Variants in FARS2 observed in about 807,000 individuals in gnomAD.
FARS2 encodes the protein phenylalanine--tRNA ligase, mitochondrial.
In FARS2, 40 loss-of-function variants were observed where a neutral mutation model predicts 46.4. The observed-to-expected ratio is 0.86, with a 90% CI of 0.67 to 1.12. FARS2 has a LOEUF of 1.12. Among genes scored for constraint, FARS2 ranks in the 50% most tolerant of loss-of-function variants. The pLI is 0.00. For missense variants in FARS2, 513 were observed against 567.9 expected, an observed-to-expected ratio of 0.90 and a Z score of 0.98; for synonymous variants, 234 against 214.9, an observed-to-expected ratio of 1.09 and a Z score of -0.78.
At chr6:5,356,742 G>A (rs1757956637) in intron 1 of FARS2, among the ~76,000 whole-genome samples, 1 of 152,008 alleles carries the variant, frequency 6.6e-6, no homozygotes, top group African/African-American at 2.4e-5. Context: ...GAAACCAACT[G>A]TATATTTCCC....
Position 5,408,543 on chromosome 6 carries a change from C to T in FARS2, c.772+3842C>T, listed in dbSNP as rs76827697. ...AATGAAGCTCCTGTTCATCCCCTTACTCTGAAGTCCTGAACAGGTCACGTA... is the reference window on the plus strand; with the variant it reads ...AATGAAGCTCCTGTTCATCCCCTTATTCTGAAGTCCTGAACAGGTCACGTA... On this transcript the variant is annotated intron_variant, in intron 3 of 6. Coordinates refer to ENST00000274680, the MANE Select transcript of FARS2 (RefSeq NM_006567.5). Among the ~76,000 whole-genome samples the T allele has an allele frequency of 1.8e-3, 270 of 152,292 alleles. 1 individual carries two copies. Among genetic ancestry groups the T allele is most frequent in the African/African-American group, 6.3e-3 (261 of 41,556 alleles).
intron 4 of FARS2, among the ~76,000 whole-genome samples, chr6:5,514,208 G>C (rs1352964956): frequency 6.6e-6 from 1 of 151,972 alleles, no homozygotes; most frequent in Non-Finnish European, 1.5e-5. Context: ...CTTAAATGAA[G>C]CATAAGTAAT....
At chr6:5,486,530 C>T (rs1226171243) in intron 4 of FARS2, among the ~76,000 whole-genome samples, 1 of 152,138 alleles carries the variant, frequency 6.6e-6, no homozygotes, top group East Asian at 1.9e-4. Flanking sequence ...AAGTCTCCAC[C>T]GTCAGAACTT....
At chr6:5,281,336 C>T (rs886725937) in intron 1 of FARS2, among the ~76,000 whole-genome samples, 8 of 152,064 alleles carry the variant, frequency 5.3e-5, no homozygotes, top group African/African-American at 1.9e-4. Flanking sequence ...TGTTCTTTCA[C>T]TTATTTTGTC....
At chr6:5,532,868 G>A (rs1396628842) in intron 4 of FARS2, among the ~76,000 whole-genome samples, 6 of 152,022 alleles carry the variant, frequency 3.9e-5, no homozygotes, top group Admixed American at 6.6e-5. Context: ...GGAAACATGC[G>A]AGTTCATTAA....
At chr6:5,735,686 C>T (rs1002672654) in intron 6 of FARS2, among the ~76,000 whole-genome samples, 1 of 152,172 alleles carries the variant, frequency 6.6e-6, no homozygotes, top group Non-Finnish European at 1.5e-5. Flanking sequence ...TCTGAAAGGC[C>T]TTTGTGAAGC....
intron 1 of FARS2, among the ~76,000 whole-genome samples, chr6:5,297,194 T>C (rs1767953781): frequency 6.6e-6 from 1 of 152,156 alleles, no homozygotes; most frequent in African/African-American, 2.4e-5. Flanking sequence ...TCCAGAAGCT[T>C]ACCTCCTGTG....
chr6:5,456,730 C>A (rs1251837394), intron 4 of FARS2, among the ~76,000 whole-genome samples: 90 of 69,814 alleles, frequency 1.3e-3, no homozygotes, highest in Non-Finnish European at 1.5e-3. Flanking sequence ...GACTCCATCT[C>A]AAAAAAAAAA....
chr6:5,561,035 G>T (rs1325734508), intron 5 of FARS2, among the ~76,000 whole-genome samples: 1 of 152,112 alleles, frequency 6.6e-6, no homozygotes, highest in Non-Finnish European at 1.5e-5. Flanking sequence ...GGAGGCTGAG[G>T]CACAAAAGTT....
intron 6 of FARS2, among the ~76,000 whole-genome samples, chr6:5,707,766 C>G (rs922146090): frequency 1.3e-5 from 2 of 152,194 alleles, no homozygotes; most frequent in Non-Finnish European, 1.5e-5. Context: ...CGTGTCCATC[C>G]CCGGCGCACA....
intron 5 of FARS2, among the ~76,000 whole-genome samples, chr6:5,604,648 T>C (rs1443784962): frequency 2.0e-5 from 3 of 152,336 alleles, no homozygotes; most frequent in Non-Finnish European, 4.4e-5. Context: ...TGAAAGTAGT[T>C]ACCACAAGAC....
At chr6:5,540,883 G>A (rs2150488346) in intron 4 of FARS2, among the ~76,000 whole-genome samples, 1 of 152,316 alleles carries the variant, frequency 6.6e-6, no homozygotes, top group South Asian at 2.1e-4. Flanking sequence ...CAAGTGTTAG[G>A]AAGATCCGCT....
At chr6:5,587,641 C>A (rs1561733643) in intron 5 of FARS2, among the ~76,000 whole-genome samples, 1 of 152,166 alleles carries the variant, frequency 6.6e-6, no homozygotes, top group Non-Finnish European at 1.5e-5. Flanking sequence ...TTTAAAGATT[C>A]TGAGAATCTT....
At chr6:5,560,601 C>T (rs1038865399) in intron 5 of FARS2, among the ~76,000 whole-genome samples, 3 of 152,024 alleles carry the variant, frequency 2.0e-5, no homozygotes, top group African/African-American at 7.3e-5. Flanking sequence ...GAAGTATTTC[C>T]ATTTTCTAGC....
chr6:5,393,741 G>A (rs924559261), intron 2 of FARS2, among the ~76,000 whole-genome samples: 7 of 152,176 alleles, frequency 4.6e-5, no homozygotes, highest in African/African-American at 1.2e-4. Context: ...TCACGCAAAC[G>A]TGTTGTTTGG....
chr6:5,415,410 G>A (rs186975048), intron 3 of FARS2, among the ~76,000 whole-genome samples: 210 of 145,234 alleles, frequency 1.4e-3, no homozygotes, highest in Middle Eastern at 7.4e-3. Context: ...CACCTCCTGG[G>A]TTCAAGCAGT....
chr6:5,376,295 C>T (rs1759375320), intron 2 of FARS2, among the ~76,000 whole-genome samples: 1 of 152,126 alleles, frequency 6.6e-6, no homozygotes, highest in Non-Finnish European at 1.5e-5. Context: ...AAACAAGGAC[C>T]AGCTTTATCA....
chr6:5,600,237 A>G (rs1409418197), intron 5 of FARS2, among the ~76,000 whole-genome samples: 1 of 152,230 alleles, frequency 6.6e-6, no homozygotes, highest in Non-Finnish European at 1.5e-5. Flanking sequence ...CATTATGGAA[A>G]TACTTACAGA....
intron 5 of FARS2, among the ~76,000 whole-genome samples, chr6:5,562,720 ACACACACAG>A (rs1561715088): frequency 8.6e-5 from 13 of 151,734 alleles, no homozygotes; most frequent in East Asian, 3.9e-4. Flanking sequence ...ACACACACAC[ACACACACAG>A]TGTTTTTCAT....
Sources: allele counts gnomAD v4.1 joint callset (sites outside exome capture counted in the v4.1 genomes callset), GRCh38; gene constraint gnomAD v4.1.1; transcripts MANE v1.5; gene names NCBI Gene and HGNC (gene_info 2026-07-23, HGNC 2026-07-21).